Variants in CCDC141 observed in about 807,000 individuals in gnomAD.
CCDC141 encodes coiled-coil domain containing 141.
CCDC141 carries 168 observed loss-of-function variants against 181.0 expected under a neutral mutation model. The ratio of observed to expected loss-of-function variants is 0.93; its 90% confidence interval spans 0.82 to 1.05. The LOEUF is 1.05. CCDC141 is among the 50% of genes least tolerant of loss of function. The pLI is 0.00. For missense variants in CCDC141, 1,902 were observed against 1,788.5 expected, an observed-to-expected ratio of 1.06 and a Z score of -1.14; for synonymous variants, 666 against 642.3, an observed-to-expected ratio of 1.04 and a Z score of -0.56.
intron 2 of CCDC141, among the ~76,000 whole-genome samples, chr2:178,985,846 G>A (rs976737296): frequency 6.6e-5 from 10 of 152,142 alleles, no homozygotes; most frequent in African/African-American, 2.2e-4. Context: ...ACCAAAAAGA[G>A]TCCAGGACCA....
intron 2 of CCDC141, among the ~76,000 whole-genome samples, chr2:179,015,614 A>ATATCTCATAT (rs2042491501): frequency 2.7e-5 from 1 of 37,156 alleles, no homozygotes; most frequent in African/African-American, 6.4e-5. Context: ...TATCTCATAT[A>ATATCTCATAT]GCTCATATAT....
chr2:178,871,541 G>T lies in CCDC141; in HGVS notation c.2091C>A (p.Asn697Lys). ...FKEQLKKTSHNLKLLQEALMP... is the reference protein window; with the variant it reads ...FKEQLKKTSHKLKLLQEALMP... The stretch of plus-strand genomic sequence containing the variant: ...TAAGTGCTTCCTGAAGAAGTTTTAA[G>T]TTGTGAGAAGTCTGAAATAAATATT... The change falls in exon 14 of 24, where the codon AAC becomes AAA. Residue 697 changes from asparagine (N) to lysine (K), a missense_variant. By Grantham distance (94) the Asn-to-Lys change is moderately conservative. Coordinates refer to ENST00000443758, the MANE Select transcript of CCDC141 (RefSeq NM_173648.4). 6.2e-7 allele frequency: 1 copy of T among 1,612,304 alleles called. No homozygotes were observed. The highest frequency in any genetic ancestry group is 8.5e-7 in the Non-Finnish European group (1 of 1,179,494).
intron 2 of CCDC141, among the ~76,000 whole-genome samples, chr2:178,980,729 T>C (rs929711243): frequency 1.3e-5 from 2 of 152,150 alleles, no homozygotes; most frequent in Non-Finnish European, 2.9e-5. Flanking sequence ...AGTAAATAAA[T>C]TGGAGTAACA....
intron 8 of CCDC141, among the ~76,000 whole-genome samples, chr2:178,891,773 ATCTCTCTCTC>A (rs34185031): frequency 4.7e-5 from 7 of 149,392 alleles, no homozygotes; most frequent in South Asian, 4.2e-4. Flanking sequence ...ATCATATAGG[ATCTCTCTCTC>A]TCTCTCTCTC....
At chr2:178,917,930 G>T (rs1316215864) in intron 7 of CCDC141, among the ~76,000 whole-genome samples, 3 of 152,218 alleles carry the variant, frequency 2.0e-5, no homozygotes, top group Non-Finnish European at 4.4e-5. Flanking sequence ...GTGCAAAAAG[G>T]CTTGCAATAT....
chr2:178,977,205 C>T (rs1691159604), intron 3 of CCDC141, among the ~76,000 whole-genome samples: 1 of 152,082 alleles, frequency 6.6e-6, no homozygotes. Context: ...ATGGTTTGGC[C>T]TACTATTTCC....
At chr2:178,869,958 A>G (rs1221684545) in intron 14 of CCDC141, among the ~76,000 whole-genome samples, 1 of 152,154 alleles carries the variant, frequency 6.6e-6, no homozygotes, top group Non-Finnish European at 1.5e-5. Context: ...TAGGCTGGGC[A>G]TGGTGGCTCA....
At chr2:178,994,680 T>C (rs1424303524) in intron 2 of CCDC141, among the ~76,000 whole-genome samples, 3 of 152,210 alleles carry the variant, frequency 2.0e-5, no homozygotes, top group African/African-American at 7.2e-5. Flanking sequence ...TTCTGTCGCA[T>C]TGTCAACCTG....
At chr2:178,985,036 C>G (rs1447883747) in intron 2 of CCDC141, among the ~76,000 whole-genome samples, 2 of 151,332 alleles carry the variant, frequency 1.3e-5, no homozygotes, top group East Asian at 1.9e-4. Context: ...CCACACCACA[C>G]CTATTCCAAA....
downstream of CCDC141, among the ~76,000 whole-genome samples, chr2:178,827,361 A>T (rs1288656926): frequency 6.6e-6 from 1 of 152,204 alleles, no homozygotes; most frequent in African/African-American, 2.4e-5. Context: ...AATTAGATGA[A>T]GTAGATTGAT....
chr2:178,826,767 T>TG (rs916180416), downstream of CCDC141, among the ~76,000 whole-genome samples: 5 of 152,076 alleles, frequency 3.3e-5, no homozygotes, highest in Non-Finnish European at 7.4e-5. Flanking sequence ...TTGGTTATCC[T>TG]GGCTAGAAGT....
At chr2:179,032,110 A>G (rs777684369) in intron 2 of CCDC141, among the ~76,000 whole-genome samples, 1 of 151,986 alleles carries the variant, frequency 6.6e-6, no homozygotes, top group Non-Finnish European at 1.5e-5. Context: ...TGAAATTTGT[A>G]CCCTGGAAAC....
At chr2:178,911,310 A>G (rs1688208905) in intron 7 of CCDC141, among the ~76,000 whole-genome samples, 1 of 152,184 alleles carries the variant, frequency 6.6e-6, no homozygotes, top group Non-Finnish European at 1.5e-5. Context: ...ACTTACTTAG[A>G]CAGCACAATG....
chr2:178,958,682 A>C (rs1690259591), intron 5 of CCDC141, among the ~76,000 whole-genome samples: 1 of 144,018 alleles, frequency 6.9e-6, no homozygotes, highest in Non-Finnish European at 1.5e-5. Context: ...TTCACTTTGA[A>C]TCTTCTAAAT....
rs915360837 is a variant in CCDC141 at position 178,845,054 on chromosome 2, T to C, written c.3474+572A>G. On this transcript the variant is annotated intron_variant, in intron 22 of 23. Transcript: ENST00000443758. ...AGTCGTTACATGCTTTATCAGTAAG[T>C]GCATAAGTGTTACAATAATTTAAAT... 2.0e-5 allele frequency among the ~76,000 whole-genome samples: 3 copies of C among 152,242 alleles called. No individual in the cohort carries two copies. In the South Asian group the frequency reaches 6.2e-4, roughly 31 times the overall value.
chr2:178,950,050 C>T (rs1689886706), intron 5 of CCDC141, among the ~76,000 whole-genome samples: 2 of 152,152 alleles, frequency 1.3e-5, no homozygotes, highest in Admixed American at 1.3e-4. Context: ...ACGACCTTAA[C>T]AGAAATGCTT....
At chr2:178,916,950 T>TGA (rs993602533) in intron 7 of CCDC141, among the ~76,000 whole-genome samples, 3 of 150,772 alleles carry the variant, frequency 2.0e-5, no homozygotes, top group African/African-American at 7.3e-5. Flanking sequence ...TTTTTTTTTT[T>TGA]AAAAAAAAGG....
intron 17 of CCDC141, among the ~76,000 whole-genome samples, chr2:178,858,043 T>A (rs1278565583): frequency 6.6e-6 from 1 of 152,174 alleles, no homozygotes; most frequent in Non-Finnish European, 1.5e-5. Flanking sequence ...CTGATACACA[T>A]ATACTTAATC....
intron 2 of CCDC141, among the ~76,000 whole-genome samples, chr2:179,046,183 T>G (rs1326605531): frequency 6.6e-6 from 1 of 152,260 alleles, no homozygotes; most frequent in Admixed American, 6.5e-5. Context: ...ATTAAATCTC[T>G]TTGAACCTCT....
Sources: gnomAD v4.1 joint callset for allele counts (sites outside exome capture counted in the v4.1 genomes callset) on GRCh38, gnomAD v4.1.1 for gene constraint, MANE v1.5 for transcripts, NCBI Gene and HGNC (gene_info 2026-07-23, HGNC 2026-07-21) for gene names.